Variants in ANXA8 observed in about 807,000 individuals in gnomAD.
ANXA8 encodes annexin A8.
In ANXA8, 9 loss-of-function variants were observed where a neutral mutation model predicts 26.8. The ratio of observed to expected loss-of-function variants is 0.34; its 90% CI spans 0.20 to 0.59. The LOEUF (loss-of-function observed/expected upper bound fraction) is 0.59, where lower values mean the gene tolerates loss of function less well. ANXA8 is among the 20% of genes least tolerant of loss of function. The pLI is 0.84. For missense variants in ANXA8, 83 were observed against 238.5 expected, an observed-to-expected ratio of 0.35 and a Z score of 4.29; for synonymous variants, 39 against 94.8, an observed-to-expected ratio of 0.41 and a Z score of 3.42.
At chr10:47,583,662 C>T in the ANXA8 span, among the ~76,000 whole-genome samples, 2 of 142,168 alleles carry the variant, frequency 1.4e-5, no homozygotes, top group Non-Finnish European at 3.0e-5. Context: ...ATTTAATGCC[C>T]TGGGCGGGTG....
chr10:47,653,019 A>C, the ANXA8 span, among the ~76,000 whole-genome samples: 1 of 151,330 alleles, frequency 6.6e-6, no homozygotes, highest in Admixed American at 6.6e-5. Flanking sequence ...CTTGGTTAGA[A>C]AGTCAGTCAA....
At chr10:47,738,482 A>G in the ANXA8 span, among the ~76,000 whole-genome samples, 2 of 149,234 alleles carry the variant, frequency 1.3e-5, no homozygotes, top group Non-Finnish European at 1.5e-5. Context: ...TTACTATTTA[A>G]GAAGAGCATG....
chr10:47,743,405 T>A, the ANXA8 span, among the ~76,000 whole-genome samples: 11,630 of 83,696 alleles, frequency 0.14, 209 homozygotes, highest in African/African-American at 0.25. Flanking sequence ...TGTGTGTGTG[T>A]GAGAGAGAGA....
chr10:47,972,414 A>C, the ANXA8 span, among the ~76,000 whole-genome samples: 1 of 122,724 alleles, frequency 8.1e-6, no homozygotes, highest in Non-Finnish European at 1.7e-5. Flanking sequence ...CAATCTTCAA[A>C]GGAATGACTC....
chr10:47,932,691 G>GCT, the ANXA8 span, among the ~76,000 whole-genome samples: 8,541 of 87,518 alleles, frequency 0.098, 1,833 homozygotes, highest in East Asian at 0.26. Flanking sequence ...CAAAGAGCAT[G>GCT]CTCTCTCTCT....
At chr10:47,744,450 C>T in the ANXA8 span, among the ~76,000 whole-genome samples, 23 of 49,054 alleles carry the variant, frequency 4.7e-4, no homozygotes, top group African/African-American at 1.7e-3. Flanking sequence ...GAGGGGGGGC[C>T]TTGCAGATTT....
At chr10:47,513,933 T>C in the ANXA8 span, among the ~76,000 whole-genome samples, 1 of 135,724 alleles carries the variant, frequency 7.4e-6, no homozygotes, top group South Asian at 2.4e-4. Flanking sequence ...CCATAAAAGT[T>C]CTAGAAGATA....
the ANXA8 span, chr10:47,763,684 C>T: frequency 3.5e-5 from 6 of 171,318 alleles, no homozygotes; most frequent in East Asian, 2.0e-4. Flanking sequence ...GGTCACCCCT[C>T]GGCGCGCCCT....
At chr10:47,502,609 C>A in the ANXA8 span, 2 of 1,575,274 alleles carry the variant, frequency 1.3e-6, no homozygotes, top group Non-Finnish European at 1.7e-6. Flanking sequence ...GCCAAAACTG[C>A]GGTGGATACC....
the ANXA8 span, among the ~76,000 whole-genome samples, chr10:47,568,413 T>G: frequency 3.2e-5 from 1 of 31,686 alleles, no homozygotes; most frequent in African/African-American, 1.6e-4. Flanking sequence ...GTGAAATCAA[T>G]AGTCCCCATT....
chr10:47,552,548 T>A, the ANXA8 span, among the ~76,000 whole-genome samples: 6 of 152,220 alleles, frequency 3.9e-5, no homozygotes, highest in South Asian at 2.1e-4. Context: ...TCTACATACA[T>A]TTGAAAAATA....
At chr10:47,610,747 C>G in the ANXA8 span, among the ~76,000 whole-genome samples, 1 of 148,770 alleles carries the variant, frequency 6.7e-6, no homozygotes, top group East Asian at 1.9e-4. Flanking sequence ...GTGGAGCTCC[C>G]AGAATTATGA....
chr10:47,918,374 AG>A, the ANXA8 span, among the ~76,000 whole-genome samples: 17 of 19,694 alleles, frequency 8.6e-4, 1 homozygote, highest in Admixed American at 3.5e-3. Flanking sequence ...AGAGAGAGAG[AG>A]AGAGAGAGAG....
At chr10:47,587,212 A>AAT in the ANXA8 span, among the ~76,000 whole-genome samples, 1 of 147,380 alleles carries the variant, frequency 6.8e-6, no homozygotes, top group East Asian at 2.0e-4. Flanking sequence ...TCAAAAAAAA[A>AAT]AAAAATAAAA....
the ANXA8 span, among the ~76,000 whole-genome samples, chr10:47,669,765 T>C: frequency 1.3e-5 from 2 of 151,942 alleles, no homozygotes; most frequent in African/African-American, 4.8e-5. Context: ...TTTAGCACAA[T>C]TTGGGGAAGA....
chr10:47,469,028 G>A, intron 11 of ANXA8, 122 bp from the exon 12 acceptor site: 1 of 1,385,822 alleles, frequency 7.2e-7, no homozygotes, highest in African/African-American at 1.5e-5. Flanking sequence ...GCCCTCCAGG[G>A]TTCCTAGCCG....
At chr10:47,738,579 A>T in the ANXA8 span, among the ~76,000 whole-genome samples, 1,802 of 133,462 alleles carry the variant, frequency 0.014, no homozygotes, top group Admixed American at 0.12. Context: ...AACTATGGAA[A>T]TTTTTTTTTT....
chr10:47,632,128 C>T, the ANXA8 span, among the ~76,000 whole-genome samples: 14 of 152,256 alleles, frequency 9.2e-5, no homozygotes, highest in Admixed American at 3.3e-4. Flanking sequence ...AATTTACATC[C>T]GGGTTAAATT....
chr10:47,673,254 C>T, the ANXA8 span, among the ~76,000 whole-genome samples: 20 of 151,592 alleles, frequency 1.3e-4, no homozygotes, highest in South Asian at 2.1e-4. Context: ...TAGATAATAC[C>T]TGAGGCATTT....
Sources: allele counts gnomAD v4.1 joint callset (sites outside exome capture counted in the v4.1 genomes callset), GRCh38; gene constraint gnomAD v4.1.1; transcripts MANE v1.5; gene names NCBI Gene and HGNC (gene_info 2026-07-23, HGNC 2026-07-21).